Variants in ADCY8 observed in about 807,000 individuals in gnomAD.
The protein encoded by ADCY8 is adenylate cyclase type 8.
In ADCY8, 51 loss-of-function variants were observed where a neutral mutation model predicts 119.7. The ratio of observed to expected loss-of-function variants is 0.43; its 90% CI spans 0.34 to 0.54. ADCY8 has a LOEUF of 0.54. Among genes scored for constraint, ADCY8 ranks in the 20% least tolerant of loss-of-function variants. The pLI, the probability that ADCY8 is intolerant of heterozygous loss-of-function variation, is 0.03. For synonymous variants in ADCY8, 665 were observed against 651.0 expected, an observed-to-expected ratio of 1.02 and a Z score of -0.33; for missense variants, 1,383 against 1,598.8, an observed-to-expected ratio of 0.87 and a Z score of 2.30.
chr8:130,992,091 A>T (rs896215116), intron 1 of ADCY8, among the ~76,000 whole-genome samples: 4 of 150,048 alleles, frequency 2.7e-5, no homozygotes, highest in African/African-American at 9.7e-5. Context: ...TATTTTATAT[A>T]CTTTTTTGAA....
intron 12 of ADCY8, among the ~76,000 whole-genome samples, chr8:130,826,922 G>T (rs1331975172): frequency 6.6e-6 from 1 of 151,998 alleles, no homozygotes. Flanking sequence ...TCGTGGGGTG[G>T]GGGGTTGGGG....
intron 2 of ADCY8, among the ~76,000 whole-genome samples, chr8:130,962,649 T>C (rs1161965209): frequency 6.6e-6 from 1 of 152,252 alleles, no homozygotes; most frequent in Non-Finnish European, 1.5e-5. Flanking sequence ...ATCTTTATTT[T>C]ATGCAAATGC....
At position 130,909,559 on chromosome 8, in the gene ADCY8, T is replaced by C; in HGVS notation, c.1640+149A>G. On this transcript the variant is annotated intron_variant, in intron 6 of 17. Coordinates refer to ENST00000286355, the MANE Select transcript of ADCY8 (RefSeq NM_001115.3). ...ATGCATTTTACTAGATTTTGGAAGC[T>C]AATAGTTGTATGATGTTTCAGTGTC... 3 of 947,076 alleles carry C rather than the reference T, an allele frequency of 3.2e-6. No individual in the cohort carries two copies. In the South Asian group the frequency reaches 4.8e-5, roughly 15 times the overall value. 58.7% of individuals were successfully genotyped at this position (947,076 alleles called of 1,614,324 possible). A position where few individuals can be genotyped will look rare whatever the true frequency, so the allele number is the denominator to read the frequency against.
intron 9 of ADCY8, among the ~76,000 whole-genome samples, chr8:130,857,774 A>T (rs1817794350): frequency 1.3e-5 from 2 of 152,158 alleles, no homozygotes; most frequent in South Asian, 4.1e-4. Context: ...ATTTCTTTAA[A>T]ATGTTATAGC....
At position 130,839,424 on chromosome 8, in the gene ADCY8, A is replaced by C. The variant is rs1282956688; in HGVS notation, c.2503-2975T>G. Among the ~76,000 whole-genome samples the C allele has an allele frequency of 2.9e-5, 4 of 139,544 alleles. 1 individual carries two copies. In the Admixed American group the frequency reaches 2.9e-4, roughly 10 times the overall value. The allele number at this position is 139,544 out of a possible 152,430, so 91.5% of individuals were successfully genotyped here. A position where few individuals can be genotyped will look rare whatever the true frequency, so the allele number is the denominator to read the frequency against. ...TTGGAGGTGATATGAACCGTGGGAC[A>C]TCAAACAGAATGAGGCCCCTGGACA... On this transcript the variant is annotated intron_variant, in intron 11 of 17. Coordinates refer to ENST00000286355, the MANE Select transcript of ADCY8 (RefSeq NM_001115.3).
chr8:130,820,177 T>C lies in ADCY8; in HGVS notation c.2754+1165A>G, dbSNP rs138787600. Among the ~76,000 whole-genome samples the C allele has an allele frequency of 7.6e-4, 115 of 152,308 alleles. 1 individual carries two copies. In the East Asian group the frequency reaches 0.018, roughly 24 times the overall value. ...TCCTTCACTTGCCAAGTTTTAATAT[T>C]ATCTATTTTTTTCTTGACTACACTG... is the stretch of plus-strand genomic sequence containing the variant. On this transcript the variant is annotated intron_variant, in intron 13 of 17. Transcript: ENST00000286355.
chr8:130,868,960 C>T (rs980493431), intron 8 of ADCY8, among the ~76,000 whole-genome samples: 2 of 152,106 alleles, frequency 1.3e-5, no homozygotes, highest in Admixed American at 6.5e-5. Flanking sequence ...TAAAATCAGT[C>T]CAATCTGTTG....
intron 14 of ADCY8, among the ~76,000 whole-genome samples, chr8:130,806,051 G>A (rs556537941): frequency 6.6e-6 from 1 of 152,330 alleles, no homozygotes; most frequent in Non-Finnish European, 1.5e-5. Context: ...CAGGGTGGAC[G>A]GTGTTAGAGG....
chr8:130,846,089 G>A (rs536903248), intron 11 of ADCY8, among the ~76,000 whole-genome samples: 139 of 152,230 alleles, frequency 9.1e-4, no homozygotes, highest in African/African-American at 3.3e-3. Flanking sequence ...TTGTTGGAAT[G>A]TTTCTGGGAC....
chr8:130,846,721 C>CCCTTCCTT (rs151049495), intron 11 of ADCY8, among the ~76,000 whole-genome samples: 1 of 125,136 alleles, frequency 8.0e-6, no homozygotes, highest in Non-Finnish European at 1.7e-5. Flanking sequence ...TCCTTCCTTC[C>CCCTTCCTT]CCTTCCTTCC....
chr8:130,933,186 G>A (rs1820684916), intron 5 of ADCY8, among the ~76,000 whole-genome samples: 1 of 149,082 alleles, frequency 6.7e-6, no homozygotes. Flanking sequence ...CGAAATTTGG[G>A]GACACCAGTA....
chr8:130,986,873 TAA>T, intron 2 of ADCY8, among the ~76,000 whole-genome samples: 1 of 152,200 alleles, frequency 6.6e-6, no homozygotes, highest in Non-Finnish European at 1.5e-5. Flanking sequence ...ATATTCCACT[TAA>T]GAGGTTCACA....
At chr8:130,916,991 T>A (rs1485959284) in intron 5 of ADCY8, among the ~76,000 whole-genome samples, 1 of 152,174 alleles carries the variant, frequency 6.6e-6, no homozygotes, top group Non-Finnish European at 1.5e-5. Context: ...GCACCATGCT[T>A]ACCCTGACAT....
chr8:130,991,189 G>A (rs1038449528), intron 1 of ADCY8, among the ~76,000 whole-genome samples: 1 of 152,166 alleles, frequency 6.6e-6, no homozygotes, highest in African/African-American at 2.4e-5. Context: ...GTCAAGAAAA[G>A]TAGACAGATT....
chr8:130,898,395 GCT>G (rs1265468496), intron 7 of ADCY8, among the ~76,000 whole-genome samples: 1 of 152,168 alleles, frequency 6.6e-6, no homozygotes, highest in Non-Finnish European at 1.5e-5. Flanking sequence ...AAGTGTGTTT[GCT>G]CTCCATTTGT....
At chr8:130,874,528 C>G (rs1246356793) in intron 8 of ADCY8, among the ~76,000 whole-genome samples, 4 of 152,062 alleles carry the variant, frequency 2.6e-5, no homozygotes, top group Non-Finnish European at 5.9e-5. Flanking sequence ...CACTGACATA[C>G]TTCTTCCCAA....
At chr8:130,999,339 T>A (rs1005919077) in intron 1 of ADCY8, among the ~76,000 whole-genome samples, 2 of 152,124 alleles carry the variant, frequency 1.3e-5, no homozygotes, top group Admixed American at 6.5e-5. Flanking sequence ...CCCCTTCTCG[T>A]TCCCCCAACC....
At chr8:131,004,432 C>A (rs2130768289) in intron 1 of ADCY8, among the ~76,000 whole-genome samples, 1 of 152,290 alleles carries the variant, frequency 6.6e-6, no homozygotes, top group South Asian at 2.1e-4. Context: ...GTCTGACAAT[C>A]ATCTATTTAA....
At chr8:131,037,144 G>A (rs1021305944) in intron 1 of ADCY8, among the ~76,000 whole-genome samples, 1 of 152,122 alleles carries the variant, frequency 6.6e-6, no homozygotes, top group African/African-American at 2.4e-5. Context: ...AGGGGAGAGC[G>A]CTCTGGTTGT....
Sources: gnomAD v4.1 joint callset for allele counts (sites outside exome capture counted in the v4.1 genomes callset) on GRCh38, gnomAD v4.1.1 for gene constraint, MANE v1.5 for transcripts, NCBI Gene and HGNC (gene_info 2026-07-23, HGNC 2026-07-21) for gene names.